CSMD1: variants seen among roughly 807,000 people sequenced by gnomAD.
The protein encoded by CSMD1 is CUB and sushi domain-containing protein 1.
A neutral mutation model predicts 417.5 loss-of-function variants in CSMD1; 213 were observed. The observed-to-expected ratio is 0.51, with a 90% CI of 0.46 to 0.57. The LOEUF is 0.57. Ranked by LOEUF, CSMD1 falls within the 20% of genes least tolerant of loss-of-function variation. CSMD1 has a pLI of 0.00. For synonymous variants in CSMD1, 2,862 were observed against 1,736.8 expected, an observed-to-expected ratio of 1.65 and a Z score of -16.11; for missense variants, 6,923 against 4,529.7, an observed-to-expected ratio of 1.53 and a Z score of -15.17.
intron 2 of CSMD1, among the ~76,000 whole-genome samples, chr8:4,503,254 G>C (rs964330522): frequency 1.3e-5 from 2 of 152,002 alleles, no homozygotes; most frequent in African/African-American, 2.4e-5. Context: ...ATTGCACTTT[G>C]CCATGGCAGC....
chr8:3,383,738 T>C (rs566464013), intron 18 of CSMD1, among the ~76,000 whole-genome samples: 21 of 151,248 alleles, frequency 1.4e-4, no homozygotes, highest in South Asian at 4.2e-4. Flanking sequence ...TGTGACCCAA[T>C]AGAAATGGAA....
chr8:4,665,769 A>G lies in CSMD1; in HGVS notation c.86-28211T>C, dbSNP rs141632111. Among the ~76,000 whole-genome samples the G allele has an allele frequency of 3.6e-3, 546 of 152,238 alleles. 5 individuals are homozygous for G. Among genetic ancestry groups the G allele is most frequent in the African/African-American group, 0.012 (490 of 41,538 alleles). On this transcript the variant is annotated intron_variant, in intron 1 of 69. Coordinates refer to ENST00000635120, the MANE Select transcript of CSMD1 (RefSeq NM_033225.6). ...ATGTGGTTACCATTTGCATATTAAT[A>G]TTTGTGTTTGTTTTCCATTTATTAG...
At chr8:3,470,698 C>G (rs936075237) in intron 11 of CSMD1, among the ~76,000 whole-genome samples, 1 of 152,042 alleles carries the variant, frequency 6.6e-6, no homozygotes, top group Non-Finnish European at 1.5e-5. Context: ...CTTCACTGTC[C>G]CTAACCCCTG....
intron 5 of CSMD1, among the ~76,000 whole-genome samples, chr8:3,803,729 G>T (rs1347656699): frequency 6.6e-6 from 1 of 152,160 alleles, no homozygotes; most frequent in Non-Finnish European, 1.5e-5. Context: ...CTTCAGATTG[G>T]AAGCCAGTGA....
chr8:3,992,768 G>T (rs1247555052), intron 5 of CSMD1, among the ~76,000 whole-genome samples: 1 of 152,222 alleles, frequency 6.6e-6, no homozygotes, highest in Non-Finnish European at 1.5e-5. Context: ...GTGACAGAAG[G>T]AGACCCAGTA....
At chr8:3,621,237 C>T (rs760705393) in intron 7 of CSMD1, among the ~76,000 whole-genome samples, 5 of 152,088 alleles carry the variant, frequency 3.3e-5, no homozygotes, top group Non-Finnish European at 7.3e-5. Flanking sequence ...TATGGCAGCC[C>T]TCGAAAATGA....
chr8:3,911,676 C>T (rs527847532), intron 5 of CSMD1, among the ~76,000 whole-genome samples: 8 of 152,188 alleles, frequency 5.3e-5, no homozygotes, highest in East Asian at 3.9e-4. Flanking sequence ...CATTGCTTGT[C>T]GGAGCTGCCA....
intron 1 of CSMD1, among the ~76,000 whole-genome samples, chr8:4,649,868 G>C (rs1803773792): frequency 1.3e-5 from 2 of 152,138 alleles, no homozygotes; most frequent in Non-Finnish European, 2.9e-5. Context: ...AAAGAGGTTT[G>C]GAATTTCAAT....
intron 3 of CSMD1, among the ~76,000 whole-genome samples, chr8:4,288,958 TA>T (rs1797211617): frequency 6.6e-6 from 1 of 152,186 alleles, no homozygotes; most frequent in African/African-American, 2.4e-5. Flanking sequence ...GTGGCAGCTG[TA>T]AAAATGGTGA....
intron 1 of CSMD1, among the ~76,000 whole-genome samples, chr8:4,899,400 A>G (rs575799253): frequency 1.3e-5 from 2 of 152,356 alleles, no homozygotes; most frequent in South Asian, 4.1e-4. Context: ...TTGGAAGGAT[A>G]TAAACATACT....
chr8:3,716,320 T>C (rs1016294637), intron 6 of CSMD1, among the ~76,000 whole-genome samples: 11 of 152,282 alleles, frequency 7.2e-5, no homozygotes, highest in South Asian at 2.1e-4. Flanking sequence ...AGCAAGTTTA[T>C]TGAGAAAATA....
chr8:4,120,218 T>A (rs532720138), intron 3 of CSMD1, among the ~76,000 whole-genome samples: 7 of 152,262 alleles, frequency 4.6e-5, no homozygotes, highest in Admixed American at 2.6e-4. Context: ...ATAAAAAAAA[T>A]TAATTGGCTG....
intron 30 of CSMD1, among the ~76,000 whole-genome samples, chr8:3,207,465 A>T (rs1797367455): frequency 6.6e-6 from 1 of 152,100 alleles, no homozygotes; most frequent in Non-Finnish European, 1.5e-5. Flanking sequence ...TTCAAGCCTC[A>T]AAGAATAAAG....
At chr8:3,197,871 T>C (rs1796788937) in intron 33 of CSMD1, among the ~76,000 whole-genome samples, 1 of 152,224 alleles carries the variant, frequency 6.6e-6, no homozygotes. Context: ...GAGTAATTTA[T>C]AAGTTGCATT....
chr8:3,919,177 T>C (rs1809042716), intron 5 of CSMD1, among the ~76,000 whole-genome samples: 1 of 111,324 alleles, frequency 9.0e-6, no homozygotes, highest in Admixed American at 1.0e-4. Flanking sequence ...ACTTTTCGTG[T>C]CATATCCAAA....
intron 54 of CSMD1, among the ~76,000 whole-genome samples, chr8:2,988,731 A>G (rs761933445): frequency 1.1e-4 from 17 of 152,246 alleles, no homozygotes; most frequent in Non-Finnish European, 2.2e-4. Context: ...ATGCAAAGAT[A>G]GTGTTACTGG....
chr8:4,177,419 ACATT>A (rs1207549591), intron 3 of CSMD1, among the ~76,000 whole-genome samples: 1 of 152,256 alleles, frequency 6.6e-6, no homozygotes, highest in Non-Finnish European at 1.5e-5. Flanking sequence ...TCTCTGGGGC[ACATT>A]CAAAGCAGTG....
intron 10 of CSMD1, among the ~76,000 whole-genome samples, chr8:3,502,039 C>G (rs1249395064): frequency 6.6e-6 from 1 of 152,108 alleles, no homozygotes; most frequent in Non-Finnish European, 1.5e-5. Context: ...CAACTATATG[C>G]TTATCAAATA....
rs148475925 is a variant in CSMD1 at position 4,185,488 on chromosome 8, C to T, written c.416-153389G>A. ...CATACAGACTCAATACAGATCCATT[C>T]AGGGAATCCGAAAACACTATTCTGC... On this transcript the variant is annotated intron_variant, in intron 3 of 69. Coordinates refer to ENST00000635120, the MANE Select transcript of CSMD1 (RefSeq NM_033225.6). 2.7e-3 allele frequency among the ~76,000 whole-genome samples: 416 copies of T among 152,204 alleles called. 1 individual carries two copies. The highest frequency in any genetic ancestry group is 9.6e-3 in the African/African-American group (398 of 41,520).
Sources: allele counts gnomAD v4.1 joint callset (sites outside exome capture counted in the v4.1 genomes callset), GRCh38; gene constraint gnomAD v4.1.1; transcripts MANE v1.5; gene names NCBI Gene and HGNC (gene_info 2026-07-23, HGNC 2026-07-21).